Variants in MMP8 observed in about 807,000 individuals in gnomAD.
The protein encoded by MMP8 is matrix metallopeptidase 8.
In MMP8, 67 loss-of-function variants were observed where a neutral mutation model predicts 51.2. The observed-to-expected ratio is 1.31, with a 90% CI of 1.08 to 1.60. MMP8 has a LOEUF of 1.60. Ranked by LOEUF, MMP8 falls within the 40% of genes most tolerant of loss-of-function variation. The pLI is 0.00. For missense variants in MMP8, 654 were observed against 558.1 expected (o/e 1.17, Z -1.73); for synonymous variants, 225 against 191.0 (o/e 1.18, Z -1.47).
In MMP8 at chr11:102,715,410, T is replaced by A; in HGVS notation, c.930A>T (p.Leu310=). 1.2e-6 allele frequency: 2 copies of A among 1,613,712 alleles called. No homozygotes were observed. The highest frequency in any genetic ancestry group is 2.2e-5 in the South Asian group (2 of 91,064). ...DRYFWRRHPQ[L]QRVEMNFISL... The stretch of plus-strand genomic sequence containing the variant: ...AAATAAAATTCATTTCGACTCTTTG[T>A]AGCTGAGGATGCCTTCTCCAGAAGT... Residue 310 remains leucine, a synonymous_variant, in exon 7 of 10, where the codon CTA becomes CTT. Transcript: ENST00000236826.
chr11:102,722,896 G>T, intron 1 of MMP8: 1 of 1,013,044 alleles, frequency 9.9e-7, no homozygotes, highest in Non-Finnish European at 1.4e-6. Context: ...AAAAAAGGGT[G>T]TCTCATAAGG....
chr11:102,715,328 T>C lies in MMP8; in HGVS notation c.1012A>G (p.Arg338Gly), dbSNP rs377609496. 3.1e-6 allele frequency: 5 copies of C among 1,611,594 alleles called. No homozygotes were observed. The African/African-American group carries it at 6.7e-5, about 22-fold the overall frequency. The stretch of plus-strand genomic sequence containing the variant: ...CCTTTAAATAGGAAAATGAGGTCTC[T>C]GTCAAAATCTTCATAAGCAGCCTGT... ...GIQAAYEDFD[R>G]DLIFLFKGNQ... The change falls in exon 7 of 10, where the codon AGA (arginine) becomes GGA (glycine). Residue 338 changes from arginine to glycine, a missense_variant. Coordinates refer to ENST00000236826, the MANE Select transcript of MMP8 (RefSeq NM_002424.3).
At chr11:102,713,984 T>A (rs186865080) in intron 8 of MMP8, 127 bp from the exon 9 acceptor site, 1 of 565,726 alleles carries the variant, frequency 1.8e-6, no homozygotes, top group African/African-American at 1.9e-5. Flanking sequence ...CACAATGCCC[T>A]GTTTACTAGG....
intron 8 of MMP8, among the ~76,000 whole-genome samples, chr11:102,714,075 T>A (rs571939095): frequency 1.3e-5 from 2 of 152,226 alleles, no homozygotes; most frequent in Non-Finnish European, 2.9e-5. Context: ...ACAGGCTTGA[T>A]GGCTGACACA....
At chr11:102,716,016 T>C (rs745471897) in intron 6 of MMP8, among the ~76,000 whole-genome samples, 14 of 151,504 alleles carry the variant, frequency 9.2e-5, no homozygotes, top group Non-Finnish European at 2.1e-4. Flanking sequence ...GTTTTCATGT[T>C]TTTTTTTTCT....
At chr11:102,724,642 C>G in intron 1 of MMP8, 112 bp downstream of exon 1, 1 of 993,298 alleles carries the variant, frequency 1.0e-6, no homozygotes, top group East Asian at 2.8e-5. Context: ...CAATCTCAAA[C>G]TAATCACCCA....
chr11:102,721,275 A>G (rs1026686153), intron 4 of MMP8, 126 bp downstream of exon 4: 48 of 1,393,728 alleles, frequency 3.4e-5, no homozygotes, highest in Non-Finnish European at 4.4e-5. Context: ...CAAAAATTTC[A>G]AATGATCACT....
chr11:102,713,462 A>T lies in MMP8; in HGVS notation c.1295-5T>A. 2 of 1,588,808 alleles carry T rather than the reference A, an allele frequency of 1.3e-6. No individual in the cohort carries two copies. Among genetic ancestry groups the T allele is most frequent in the East Asian group, 2.2e-5 (1 of 44,700 alleles). ...CACTGAAGACATGGAAGAAATCTATAAAAAAAGAGAGATAATTTATTGAAT... is the reference window on the plus strand; with the variant it reads ...CACTGAAGACATGGAAGAAATCTATTAAAAAAGAGAGATAATTTATTGAAT... On this transcript the variant is annotated splice_region_variant and splice_polypyrimidine_tract_variant and intron_variant, in intron 9 of 9. Transcript: ENST00000236826.
At chr11:102,722,330 T>C in intron 2 of MMP8, 99 bp downstream of exon 2, 5 of 1,259,184 alleles carry the variant, frequency 4.0e-6, no homozygotes, top group South Asian at 1.5e-5. Context: ...GGGATATTTA[T>C]CTACTTGTTC....
intron 4 of MMP8, 117 bp from the exon 5 acceptor site, chr11:102,718,692 G>T: frequency 8.9e-7 from 1 of 1,119,726 alleles, no homozygotes; most frequent in East Asian, 2.4e-5. Context: ...CCCTTCCCAT[G>T]GCTGTCTTTT....
chr11:102,724,569 C>T (rs961284547), intron 1 of MMP8, among the ~76,000 whole-genome samples, 185 bp downstream of exon 1: 7 of 152,278 alleles, frequency 4.6e-5, no homozygotes, highest in South Asian at 4.1e-4. Context: ...TTTTCATGTC[C>T]GGCTTTTAAA....
intron 4 of MMP8, among the ~76,000 whole-genome samples, chr11:102,720,855 T>C (rs1861447466): frequency 6.6e-6 from 1 of 152,194 alleles, no homozygotes; most frequent in Admixed American, 6.5e-5. Flanking sequence ...AAAAATAGGC[T>C]AATTTCTAAT....
Position 102,718,566 on chromosome 11 carries a change from A to G in MMP8, c.632T>C (p.Leu211Ser), listed in dbSNP as rs144176881. 1.9e-5 allele frequency: 31 copies of G among 1,613,878 alleles called. No individual in the cohort carries two copies. Among genetic ancestry groups the G allele is most frequent in the Non-Finnish European group, 2.5e-5 (30 of 1,179,836 alleles). Residue 211 changes from leucine (L) to serine (S), a missense_variant, in exon 5 of 10, where the codon TTG becomes TCG. Physicochemically the swap from Leu to Ser is moderately radical, Grantham distance 145. Transcript: ENST00000236826. ...AAATTCATGAGCAGCAACAAGAAAC[A>G]AGTTGTAATCTGAAATGCAAACACG... ...TWTNTSANYN[L>S]FLVAAHEFGH...
At chr11:102,724,708 C>G (rs767790576) in intron 1 of MMP8, 46 bp downstream of exon 1, 1 of 1,497,580 alleles carries the variant, frequency 6.7e-7, no homozygotes, top group Non-Finnish European at 9.1e-7. Context: ...ACACTATTTC[C>G]TAATAATCAG....
At position 102,723,147 on chromosome 11, in the gene MMP8, A is replaced by G. The variant is rs181927575; in HGVS notation, c.103-474T>C. 2.0e-3 allele frequency: 1,605 copies of G among 798,290 alleles called. 3 individuals carry two copies. Among genetic ancestry groups the G allele is most frequent in the Admixed American group, 4.5e-3 (191 of 42,010 alleles). The allele number at this position is 798,290 out of a possible 1,614,324, so 49.5% of individuals were successfully genotyped here. Reference sequence around the variant, plus strand: ...GTGATGATTCAGATTTTAACTCACCATGTTGCCTCTCAAATGAGAACTGAT... The same window carrying G: ...GTGATGATTCAGATTTTAACTCACCGTGTTGCCTCTCAAATGAGAACTGAT... On this transcript the variant is annotated intron_variant, in intron 1 of 9. Transcript: ENST00000236826.
At chr11:102,721,279 G>T in intron 4 of MMP8, 122 bp downstream of exon 4, 1 of 1,395,402 alleles carries the variant, frequency 7.2e-7, no homozygotes, top group Non-Finnish European at 9.6e-7. Context: ...AATTTCAAAT[G>T]ATCACTTTTT....
chr11:102,724,694 A>C (rs1591685496), intron 1 of MMP8, 60 bp downstream of exon 1: 1 of 1,417,686 alleles, frequency 7.1e-7, no homozygotes, highest in East Asian at 2.4e-5. Flanking sequence ...AGAGAAAACA[A>C]CCCACACTAT....
chr11:102,718,280 T>C, intron 5 of MMP8, 134 bp downstream of exon 5: 2 of 962,606 alleles, frequency 2.1e-6, no homozygotes, highest in South Asian at 3.4e-5. Flanking sequence ...TGTTAATGCT[T>C]TATTACTGGG....
At chr11:102,718,677 A>T in intron 4 of MMP8, 102 bp from the exon 5 acceptor site, 1 of 1,293,726 alleles carries the variant, frequency 7.7e-7, no homozygotes, top group Non-Finnish European at 1.1e-6. Context: ...TGCTCAGGGA[A>T]ATAGCCCTTC....
Sources: gnomAD v4.1 joint callset for allele counts (sites outside exome capture counted in the v4.1 genomes callset) on GRCh38, gnomAD v4.1.1 for gene constraint, MANE v1.5 for transcripts, NCBI Gene and HGNC (gene_info 2026-07-23, HGNC 2026-07-21) for gene names.